Variants in PLEKHG1 observed in about 807,000 individuals in gnomAD.
PLEKHG1 encodes pleckstrin homology and RhoGEF domain containing G1.
Under a neutral mutation model 100.8 loss-of-function variants are expected in PLEKHG1, and 44 were observed. The ratio of observed to expected loss-of-function variants is 0.44; its 90% confidence interval spans 0.34 to 0.56. The LOEUF is 0.56. Ranked by LOEUF, PLEKHG1 falls within the 20% of genes least tolerant of loss-of-function variation. The pLI is 0.01. For missense variants in PLEKHG1, 1,545 were observed against 1,720.9 expected (o/e 0.90, Z 1.81); for synonymous variants, 640 against 662.5 (o/e 0.97, Z 0.52).
chr6:150,735,628 T>C (rs1378886128), intron 2 of PLEKHG1, among the ~76,000 whole-genome samples: 1 of 152,194 alleles, frequency 6.6e-6, no homozygotes, highest in Admixed American at 6.5e-5. Context: ...AGTAGGCCTG[T>C]TTTTTAAAAA....
intron 3 of PLEKHG1, among the ~76,000 whole-genome samples, chr6:150,681,243 C>G (rs921532470): frequency 6.6e-6 from 1 of 151,970 alleles, no homozygotes; most frequent in African/African-American, 2.4e-5. Context: ...GATAATAGGC[C>G]GGGCGTGGTG....
At chr6:150,733,121 C>T (rs774734451) in intron 1 of PLEKHG1, among the ~76,000 whole-genome samples, 3 of 152,084 alleles carry the variant, frequency 2.0e-5, no homozygotes, top group South Asian at 2.1e-4. Flanking sequence ...TTCAAAATTC[C>T]GTAGGAATCA....
intron 2 of PLEKHG1, among the ~76,000 whole-genome samples, chr6:150,758,203 G>A (rs190905538): frequency 6.6e-6 from 1 of 152,146 alleles, no homozygotes; most frequent in South Asian, 2.1e-4. Context: ...GCCAGTAATG[G>A]GATTGCTGGG....
intron 2 of PLEKHG1, among the ~76,000 whole-genome samples, chr6:150,644,627 G>A (rs751543650): frequency 3.9e-4 from 59 of 152,054 alleles, no homozygotes; most frequent in Non-Finnish European, 6.6e-4. Context: ...ACTGTGCCCA[G>A]CCGATAGTGT....
chr6:150,830,883 G>T (rs1776881771), exon 15 of PLEKHG1: 1 of 1,614,118 alleles, frequency 6.2e-7, no homozygotes, highest in Non-Finnish European at 8.5e-7. Flanking sequence ...TGGCATATGG[G>T]ACAGATGGAG....
chr6:150,828,624 A>C lies in PLEKHG1; in HGVS notation c.1471-1958A>C, dbSNP rs564602989. Among the ~76,000 whole-genome samples, 9 of 152,224 alleles carry C rather than the reference A, an allele frequency of 5.9e-5. No individual in the cohort carries two copies. In the East Asian group the frequency reaches 1.7e-3, roughly 29 times the overall value. On this transcript the variant is annotated intron_variant, in intron 14 of 15. Coordinates refer to ENST00000358517, the Ensembl canonical transcript of PLEKHG1. ...AACCAGCCATTTGTATGGCAAAAAA[A>C]AAAAAGATACTTCAATATTAACAAT...
At chr6:150,807,968 C>CA (rs747824320) in intron 7 of PLEKHG1, among the ~76,000 whole-genome samples, 12 of 150,902 alleles carry the variant, frequency 8.0e-5, no homozygotes, top group African/African-American at 1.2e-4. Context: ...GACTCTGTCT[C>CA]AAAAAAGAAA....
exon 16 of PLEKHG1, chr6:150,842,452 TG>T (rs1777566886): frequency 6.6e-6 from 1 of 152,242 alleles, no homozygotes; most frequent in African/African-American, 2.4e-5. Context: ...TTTTCTTAAC[TG>T]TAAAACATAG....
intron 10 of PLEKHG1, among the ~76,000 whole-genome samples, chr6:150,814,353 G>C (rs1025950725): frequency 6.6e-6 from 1 of 152,204 alleles, no homozygotes; most frequent in Non-Finnish European, 1.5e-5. Context: ...CACGCTAGGC[G>C]TGTGTGCCTC....
At chr6:150,628,575 C>CACACACACACACACACACACACACACAA (rs754227842) in intron 1 of PLEKHG1, among the ~76,000 whole-genome samples, 1 of 137,442 alleles carries the variant, frequency 7.3e-6, no homozygotes, top group Non-Finnish European at 1.6e-5. Context: ...CACACACACA[C>CACACACACACACACACACACACACACAA]ACCCCGTCCT....
chr6:150,827,410 T>A (rs1388552747), intron 14 of PLEKHG1, among the ~76,000 whole-genome samples: 1 of 151,870 alleles, frequency 6.6e-6, no homozygotes, highest in Admixed American at 6.6e-5. Flanking sequence ...CCCAAGTAGC[T>A]GGGATTACAG....
rs71690247 is a variant in PLEKHG1, at chr6:150,703,600, T to TAA, written c.-98-29971_-98-29970dup. Among the ~76,000 whole-genome samples the TAA allele has an allele frequency of 2.4e-3, 308 of 129,020 alleles. 4 individuals are homozygous for TAA. The highest frequency in any genetic ancestry group is 7.6e-3 in the African/African-American group (259 of 34,180). 84.6% of individuals were successfully genotyped at this position (129,020 alleles called of 152,430 possible). ...TGGGCGACAGAGCAAGACTCCATCTTAAAAAAAAAAAAAACAAAACAACTT... is the reference window on the plus strand; with the variant it reads ...TGGGCGACAGAGCAAGACTCCATCTTAAAAAAAAAAAAAAAACAAAACAACTT... On this transcript the variant is annotated intron_variant, in intron 3 of 3. Coordinates refer to the PLEKHG1 transcript ENST00000367326.
rs982942053 is a variant in PLEKHG1, at chr6:150,623,652, C to G, written c.-203-14428C>G. On this transcript the variant is annotated intron_variant, in intron 1 of 3. Coordinates refer to the PLEKHG1 transcript ENST00000367326. ...TGGCCTCAGGCCCCCCACGTGTGCACTGTACAATTGTGGTGCTCTTTTTCA... is the reference window on the plus strand; with the variant it reads ...TGGCCTCAGGCCCCCCACGTGTGCAGTGTACAATTGTGGTGCTCTTTTTCA... Among the ~76,000 whole-genome samples, 4 of 152,256 alleles carry G rather than the reference C, an allele frequency of 2.6e-5. 1 individual carries two copies. In the South Asian group the frequency reaches 8.3e-4, roughly 32 times the overall value.
intron 2 of PLEKHG1, among the ~76,000 whole-genome samples, chr6:150,749,977 C>T (rs531929574): frequency 2.0e-5 from 3 of 151,404 alleles, no homozygotes; most frequent in East Asian, 1.9e-4. Context: ...GAGGCTGAGG[C>T]AGGAGAATCG....
intron 1 of PLEKHG1, among the ~76,000 whole-genome samples, chr6:150,609,857 T>C (rs1439205044): frequency 6.6e-6 from 1 of 152,180 alleles, no homozygotes; most frequent in Non-Finnish European, 1.5e-5. Flanking sequence ...AGAAAGAACG[T>C]GTGGGGCTTG....
At chr6:150,826,457 CAAA>C (rs1379615923) in intron 14 of PLEKHG1, among the ~76,000 whole-genome samples, 1 of 151,906 alleles carries the variant, frequency 6.6e-6, no homozygotes, top group African/African-American at 2.4e-5. Flanking sequence ...GACTCTGTCT[CAAA>C]AAATAAAAAC....
intron 3 of PLEKHG1, among the ~76,000 whole-genome samples, chr6:150,709,724 T>C (rs1781175054): frequency 6.6e-6 from 1 of 152,228 alleles, no homozygotes; most frequent in Non-Finnish European, 1.5e-5. Context: ...CATCATTTCA[T>C]GAGCCGTAGG....
chr6:150,727,543 G>A (rs889236553), intron 1 of PLEKHG1, among the ~76,000 whole-genome samples: 20 of 151,958 alleles, frequency 1.3e-4, no homozygotes, highest in African/African-American at 4.6e-4. Flanking sequence ...GAAGTAAAAA[G>A]TATGAAAGTC....
chr6:150,640,643 C>T (rs1425887957), intron 2 of PLEKHG1, among the ~76,000 whole-genome samples: 2 of 152,178 alleles, frequency 1.3e-5, no homozygotes, highest in East Asian at 3.9e-4. Context: ...TCCCTCCTCT[C>T]AGGCCTTGTG....
Sources: gnomAD v4.1 joint callset for allele counts (sites outside exome capture counted in the v4.1 genomes callset) on GRCh38, gnomAD v4.1.1 for gene constraint, MANE v1.5 for transcripts, NCBI Gene and HGNC (gene_info 2026-07-23, HGNC 2026-07-21) for gene names.